RC3H2: variants seen among roughly 807,000 people sequenced by gnomAD.
RC3H2 encodes the protein roquin-2.
In RC3H2, 31 loss-of-function variants were observed where a neutral mutation model predicts 133.3. That is an observed-to-expected ratio of 0.23 (90% CI 0.17 to 0.31). The LOEUF (loss-of-function observed/expected upper bound fraction) is 0.31. Among genes scored for constraint, RC3H2 ranks in the 10% least tolerant of loss-of-function variants. RC3H2 has a pLI of 1.00. For synonymous variants in RC3H2, 517 were observed against 502.2 expected (o/e 1.03, Z -0.40); for missense variants, 1,175 against 1,437.2 (o/e 0.82, Z 2.95).
chr9:122,855,546 C>T lies in RC3H2; in HGVS notation c.2602-149G>A, dbSNP rs1830210364. On this transcript the variant is annotated intron_variant, in intron 14 of 20. Transcript: ENST00000357244. ...GATAATCCAACAAACTACCAGTAAACCACCAATGTTCAAATAACTTAAATA... is the reference window on the plus strand; with the variant it reads ...GATAATCCAACAAACTACCAGTAAATCACCAATGTTCAAATAACTTAAATA... The T allele has an allele frequency of 7.5e-6, 7 of 936,068 alleles. No homozygotes were observed. The South Asian group carries it at 1.3e-4, about 17-fold the overall frequency. The allele number at this position is 936,068 out of a possible 1,614,324, so 58.0% of individuals were successfully genotyped here.
rs1832461270 is a variant in RC3H2, at chr9:122,897,185, C to A, written c.231+94G>T. On this transcript the variant is annotated intron_variant, in intron 2 of 20. Coordinates refer to ENST00000357244, the MANE Select transcript of RC3H2 (RefSeq NM_001100588.3). ...GGCCGCATTCAAAGATGTCCTGGGC[C>A]ACATGTAGCCTGCAGGCTGGACAAG... 4 of 1,044,228 alleles carry A rather than the reference C, an allele frequency of 3.8e-6. No homozygotes were observed. The East Asian group carries it at 1.0e-4, about 26-fold the overall frequency. The allele number at this position is 1,044,228 out of a possible 1,614,324, so 64.7% of individuals were successfully genotyped here.
chr9:122,875,123 T>C lies in RC3H2; in HGVS notation c.1325+2348A>G, dbSNP rs1020545755. 14 of 1,468,350 alleles carry C rather than the reference T, an allele frequency of 9.5e-6. No homozygotes were observed. In the Admixed American group the frequency reaches 1.2e-4, roughly 13 times the overall value. The allele number at this position is 1,468,350 out of a possible 1,614,324, so 91.0% of individuals were successfully genotyped here. Reference sequence around the variant, plus strand: ...TTATCTTGATGTGAAATTCTGTATATAGAACTAGTTCGATTGGGTACAAAC... The same window carrying C: ...TTATCTTGATGTGAAATTCTGTATACAGAACTAGTTCGATTGGGTACAAAC... On this transcript the variant is annotated intron_variant, in intron 9 of 20. Transcript: ENST00000357244.
intron 9 of RC3H2, among the ~76,000 whole-genome samples, chr9:122,868,332 G>A (rs1397946399): frequency 2.6e-5 from 4 of 152,180 alleles, no homozygotes; most frequent in Non-Finnish European, 1.5e-5. Flanking sequence ...TTGAGAAATC[G>A]GATGGTTGCC....
chr9:122,871,849 C>T (rs1043040417), intron 9 of RC3H2, among the ~76,000 whole-genome samples: 8 of 152,148 alleles, frequency 5.3e-5, no homozygotes, highest in African/African-American at 1.9e-4. Flanking sequence ...ACACAATACA[C>T]TGTCTCATAA....
At chr9:122,904,528 A>C (rs1280526711) in intron 1 of RC3H2, among the ~76,000 whole-genome samples, 1 of 152,238 alleles carries the variant, frequency 6.6e-6, no homozygotes, top group East Asian at 1.9e-4. Flanking sequence ...AGAGGGAAAG[A>C]AGAAAGCCAT....
intron 4 of RC3H2, among the ~76,000 whole-genome samples, chr9:122,889,999 G>A (rs748371776): frequency 8.6e-5 from 13 of 152,028 alleles, no homozygotes; most frequent in Non-Finnish European, 1.5e-4. Context: ...AAAATTAGCC[G>A]GGTATGATGG....
At chr9:122,885,354 C>T (rs960067611) in intron 4 of RC3H2, among the ~76,000 whole-genome samples, 18 of 152,110 alleles carry the variant, frequency 1.2e-4, no homozygotes, top group Non-Finnish European at 1.9e-4. Flanking sequence ...TCAGTAAATA[C>T]GAAATTATTT....
intron 3 of RC3H2, 148 bp from the exon 4 acceptor site, chr9:122,890,693 G>T: frequency 1.6e-6 from 1 of 641,454 alleles, no homozygotes; most frequent in Non-Finnish European, 2.7e-6. Flanking sequence ...TTCTGTCTCT[G>T]TTTGTTATTA....
intron 9 of RC3H2, among the ~76,000 whole-genome samples, chr9:122,877,095 G>C (rs533733498): frequency 5.3e-5 from 8 of 152,124 alleles, no homozygotes; most frequent in African/African-American, 1.9e-4. Context: ...TTGTGAGGCA[G>C]AGTCTTGCTG....
intron 4 of RC3H2, among the ~76,000 whole-genome samples, chr9:122,885,672 A>C (rs1393392331): frequency 6.6e-6 from 1 of 152,168 alleles, no homozygotes; most frequent in Non-Finnish European, 1.5e-5. Flanking sequence ...TTGAGATAAA[A>C]TTAACCATTT....
intron 1 of RC3H2, among the ~76,000 whole-genome samples, chr9:122,900,238 G>A (rs747300657): frequency 3.8e-4 from 58 of 152,048 alleles, no homozygotes; most frequent in Middle Eastern, 6.8e-3. Context: ...AAGATATAAA[G>A]GTAAAACACT....
intron 9 of RC3H2, among the ~76,000 whole-genome samples, chr9:122,868,922 G>T (rs116119368): frequency 0.13 from 13,927 of 108,872 alleles, 2,488 homozygotes; most frequent in East Asian, 0.58. Flanking sequence ...TTGTGGGGGG[G>T]TTAAGTTCCA....
Position 122,847,709 on chromosome 9 carries a change from T to C in RC3H2, c.*1918A>G, listed in dbSNP as rs990521768. 2 of 151,958 alleles carry C rather than the reference T, an allele frequency of 1.3e-5. No homozygotes were observed. The highest frequency in any genetic ancestry group is 6.6e-5 in the Admixed American group (1 of 15,236). The allele number at this position is 151,958 out of a possible 1,614,324, so 9.4% of individuals were successfully genotyped here. A position where few individuals can be genotyped will look rare whatever the true frequency, so the allele number is the denominator to read the frequency against. ...TTCCTATTCATTTCAGGTTACAGAG[T>C]GAAATAAATAAAATGTCTTCATAGG... On this transcript the variant is annotated 3_prime_UTR_variant, in exon 21 of 21. Transcript: ENST00000357244.
intron 10 of RC3H2, 127 bp downstream of exon 10, chr9:122,865,222 T>C (rs1830594036): frequency 3.4e-6 from 3 of 871,894 alleles, no homozygotes; most frequent in African/African-American, 3.4e-5. Context: ...TTAGTGTTTC[T>C]TCTACATCAC....
At chr9:122,881,785 A>T (rs1831647244) in intron 5 of RC3H2, among the ~76,000 whole-genome samples, 1 of 152,210 alleles carries the variant, frequency 6.6e-6, no homozygotes, top group Non-Finnish European at 1.5e-5. Context: ...TTGGCCTCCC[A>T]AAGTGCTGGG....
chr9:122,851,544 C>G, intron 18 of RC3H2, 108 bp from the exon 19 acceptor site: 1 of 1,426,946 alleles, frequency 7.0e-7, no homozygotes, highest in South Asian at 1.4e-5. Flanking sequence ...CCTCTCATGC[C>G]GAGCCGAAGC....
rs188248612 is a variant in RC3H2 at position 122,877,380 on chromosome 9, T to C, written c.1325+91A>G. 2.4e-3 allele frequency: 2,474 copies of C among 1,016,124 alleles called. 14 individuals carry two copies. Among genetic ancestry groups the C allele is most frequent in the Non-Finnish European group, 3.0e-3 (1,980 of 670,186 alleles). 62.9% of individuals were successfully genotyped at this position (1,016,124 alleles called of 1,614,324 possible). A position where few individuals can be genotyped will look rare whatever the true frequency, so the allele number is the denominator to read the frequency against. ...GGTGCCCAGCCCTTAACTTGCATTT[T>C]TGAAAGTCATCACAAACTTCAGGAC... is the stretch of plus-strand genomic sequence containing the variant. On this transcript the variant is annotated intron_variant, in intron 9 of 20. Coordinates refer to ENST00000357244, the MANE Select transcript of RC3H2 (RefSeq NM_001100588.3).
In RC3H2 at chr9:122,880,690, G is replaced by A. The variant is rs750804201; in HGVS notation, c.864C>T (p.Ala288=). Residue 288 remains alanine, a synonymous_variant, in exon 6 of 21, where the codon GCC becomes GCT. Transcript: ENST00000357244. ...REHDAQIVHI[A]MEAGLRISPE... ...GTGAAATACGGAGTCCTGCTTCCAT[G>A]GCAATATGAACAATTTGGGCATCAT... 2.5e-6 allele frequency: 4 copies of A among 1,613,998 alleles called. No homozygotes were observed. The highest frequency in any genetic ancestry group is 3.4e-6 in the Non-Finnish European group (4 of 1,179,910).
At position 122,865,378 on chromosome 9, in the gene RC3H2, A is replaced by G; in HGVS notation, c.1605T>C (p.Ala535=). The change falls in exon 10 of 21, where the codon GCT becomes GCC. Residue 535 remains alanine, a synonymous_variant. Coordinates refer to ENST00000357244, the MANE Select transcript of RC3H2 (RefSeq NM_001100588.3). ...CAGTTACAGAATCTGCAGAGGGCCC[A>G]GCAGCATTCTGACCATTAGCGCCAA... ...GKVGANGQNA[A]GPSADSVTEN... is the part of the protein sequence containing the mutation. 1.9e-6 allele frequency: 3 copies of G among 1,612,412 alleles called. No individual in the cohort carries two copies. Among genetic ancestry groups the G allele is most frequent in the Middle Eastern group, 3.3e-4 (2 of 6,060 alleles).
Sources: gnomAD v4.1 joint callset for allele counts (sites outside exome capture counted in the v4.1 genomes callset) on GRCh38, gnomAD v4.1.1 for gene constraint, MANE v1.5 for transcripts, NCBI Gene and HGNC (gene_info 2026-07-23, HGNC 2026-07-21) for gene names.